Variants in VPS13A observed in about 807,000 individuals in gnomAD.
VPS13A encodes vacuolar protein sorting 13 homolog A, also known as intermembrane lipid transfer protein VPS13A.
Under a neutral mutation model 390.9 loss-of-function variants are expected in VPS13A, and 264 were observed. The ratio of observed to expected loss-of-function variants is 0.68; its 90% confidence interval spans 0.61 to 0.75. The LOEUF is 0.75. Among genes scored for constraint, VPS13A ranks in the 30% least tolerant of loss-of-function variants. VPS13A has a pLI of 0.00. For synonymous variants in VPS13A, 1,231 were observed against 1,227.1 expected, an observed-to-expected ratio of 1.00 and a Z score of -0.07; for missense variants, 3,409 against 3,733.9, an observed-to-expected ratio of 0.91 and a Z score of 2.27.
At chr9:77,353,678 C>A in intron 54 of VPS13A, 37 bp downstream of exon 54, 3 of 1,529,848 alleles carry the variant, frequency 2.0e-6, no homozygotes, top group South Asian at 1.1e-5. Flanking sequence ...TTTAAATGAT[C>A]AGTTTCTAAT....
chr9:77,358,489 A>G (rs949590815), intron 57 of VPS13A, 51 bp downstream of exon 57: 1 of 1,431,712 alleles, frequency 7.0e-7, no homozygotes. Context: ...TAGCTATTTG[A>G]TTTACTTTAC....
intron 13 of VPS13A, among the ~76,000 whole-genome samples, chr9:77,223,570 G>A (rs914065702): frequency 6.6e-6 from 1 of 152,144 alleles, no homozygotes; most frequent in African/African-American, 2.4e-5. Context: ...ATCAGCTACA[G>A]CATTCCTCTA....
At chr9:77,359,270 G>T in intron 57 of VPS13A, 63 bp from the exon 58 acceptor site, 1 of 1,387,058 alleles carries the variant, frequency 7.2e-7, no homozygotes, top group Non-Finnish European at 1.0e-6. Context: ...GTGTATATTG[G>T]AAGAAAATGC....
chr9:77,193,558 C>T (rs1317234933), intron 1 of VPS13A, among the ~76,000 whole-genome samples: 6 of 152,096 alleles, frequency 3.9e-5, no homozygotes, highest in African/African-American at 7.2e-5. Flanking sequence ...CACTTGAACC[C>T]GGAAGGTGGA....
At chr9:77,266,157 CTG>C (rs1319568719) in intron 23 of VPS13A, among the ~76,000 whole-genome samples, 1 of 152,176 alleles carries the variant, frequency 6.6e-6, no homozygotes, top group Admixed American at 6.5e-5. Context: ...GTCTGAGAGA[CTG>C]TTTGTTATGA....
At chr9:77,277,838 C>G (rs1826776665) in intron 26 of VPS13A, among the ~76,000 whole-genome samples, 1 of 152,050 alleles carries the variant, frequency 6.6e-6, no homozygotes. Flanking sequence ...ATCTTGGTTG[C>G]TTCCACGGTT....
At chr9:77,294,737 C>G (rs1356759522) in intron 32 of VPS13A, among the ~76,000 whole-genome samples, 1 of 152,094 alleles carries the variant, frequency 6.6e-6, no homozygotes, top group Non-Finnish European at 1.5e-5. Context: ...TGGGTTCTTG[C>G]TCTGCAGCCC....
chr9:77,398,623 T>G (rs1834219030), intron 68 of VPS13A, among the ~76,000 whole-genome samples: 1 of 152,106 alleles, frequency 6.6e-6, no homozygotes, highest in Admixed American at 6.6e-5. Flanking sequence ...AACGTGACAT[T>G]TGTAGACTTT....
intron 13 of VPS13A, 115 bp from the exon 14 acceptor site, chr9:77,225,810 TG>T: frequency 1.3e-6 from 1 of 764,406 alleles, no homozygotes; most frequent in East Asian, 2.5e-5. Flanking sequence ...AATGTTCTGT[TG>T]TTTGCTTCCT....
chr9:77,370,653 T>G, intron 65 of VPS13A, 75 bp downstream of exon 65: 1 of 1,587,568 alleles, frequency 6.3e-7, no homozygotes, highest in Non-Finnish European at 8.6e-7. Flanking sequence ...AATAAGGAAA[T>G]AGACATGATT....
Position 77,314,075 on chromosome 9 carries a change from A to G in VPS13A, c.4198A>G (p.Thr1400Ala). Reference protein sequence around the residue: ...VKTTLNISFKTDDLTMVLYSP... With the variant: ...VKTTLNISFKADDLTMVLYSP... The stretch of plus-strand genomic sequence containing the variant: ...GACAACACTAAACATAAGCTTCAAA[A>G]CTGATGATCTCACCATGGTGCTGTA... The change falls in exon 36 of 72, where the codon ACT (threonine) becomes GCT (alanine). Residue 1400 changes from threonine to alanine, a missense_variant. Thr to Ala is a moderately conservative substitution (Grantham distance 58, BLOSUM62 0). Coordinates refer to ENST00000360280, the MANE Select transcript of VPS13A (RefSeq NM_033305.3). The G allele has an allele frequency of 1.2e-6, 2 of 1,613,344 alleles. No homozygotes were observed. The highest frequency in any genetic ancestry group is 1.7e-6 in the Non-Finnish European group (2 of 1,179,576).
At chr9:77,321,101 T>C in intron 42 of VPS13A, 68 bp from the exon 43 acceptor site, 2 of 1,395,040 alleles carry the variant, frequency 1.4e-6, no homozygotes, top group East Asian at 2.3e-5. Context: ...AATGTTGGTA[T>C]TGGGATTTGT....
At chr9:77,229,198 C>T (rs1823686039) in intron 17 of VPS13A, among the ~76,000 whole-genome samples, 1 of 152,056 alleles carries the variant, frequency 6.6e-6, no homozygotes, top group Non-Finnish European at 1.5e-5. Context: ...CCAGCTTCAG[C>T]CTCCTGAGTA....
intron 5 of VPS13A, among the ~76,000 whole-genome samples, chr9:77,206,735 A>G (rs1825661543): frequency 6.6e-6 from 1 of 152,130 alleles, no homozygotes; most frequent in African/African-American, 2.4e-5. Flanking sequence ...TGAAACATGA[A>G]GTCATTTTCT....
chr9:77,345,197 C>G, intron 52 of VPS13A, 55 bp downstream of exon 52: 1 of 1,573,182 alleles, frequency 6.4e-7, no homozygotes, highest in Non-Finnish European at 8.7e-7. Flanking sequence ...GATGATGAGG[C>G]ACAGTTTTTT....
intron 67 of VPS13A, among the ~76,000 whole-genome samples, chr9:77,372,335 A>G (rs1832820193): frequency 6.6e-6 from 1 of 151,634 alleles, no homozygotes; most frequent in Admixed American, 6.6e-5. Flanking sequence ...CTTTTTAATG[A>G]TTGCCATTCT....
Position 77,334,700 on chromosome 9 carries a change from A to G in VPS13A, c.6096-2555A>G, listed in dbSNP as rs1452617062. Among the ~76,000 whole-genome samples the G allele has an allele frequency of 2.6e-5, 4 of 152,208 alleles. No individual in the cohort carries two copies. The East Asian group carries it at 5.8e-4, about 22-fold the overall frequency. On this transcript the variant is annotated intron_variant, in intron 46 of 71. Coordinates refer to ENST00000360280, the MANE Select transcript of VPS13A (RefSeq NM_033305.3). The stretch of plus-strand genomic sequence containing the variant: ...TTCAATTTTGCCTTCTTGTTGGTAC[A>G]TAATAGGTCCAATAAATGTTTTGAT...
chr9:77,416,195 GATT>G lies in VPS13A; in HGVS notation c.*191_*193del, dbSNP rs1835165539. The G allele has an allele frequency of 1.7e-6, 1 of 581,716 alleles. No individual in the cohort carries two copies. Among genetic ancestry groups the G allele is most frequent in the Non-Finnish European group, 3.1e-6 (1 of 327,394 alleles). The allele number at this position is 581,716 out of a possible 1,614,324, so 36.0% of individuals were successfully genotyped here. ...CCAGAATCAGGTAAAACAGCTATGT[GATT>G]AAAATATTTTAATTCTTCAGCAATT... On this transcript the variant is annotated 3_prime_UTR_variant, in exon 72 of 72. Transcript: ENST00000360280.
At chr9:77,254,442 C>T (rs1046732970) in intron 22 of VPS13A, among the ~76,000 whole-genome samples, 5 of 152,056 alleles carry the variant, frequency 3.3e-5, no homozygotes, top group African/African-American at 1.2e-4. Flanking sequence ...ATTACTGTAG[C>T]TTTATAGGAA....
Sources: allele counts gnomAD v4.1 joint callset (sites outside exome capture counted in the v4.1 genomes callset), GRCh38; gene constraint gnomAD v4.1.1; transcripts MANE v1.5; gene names NCBI Gene and HGNC (gene_info 2026-07-23, HGNC 2026-07-21).